UGT2A1: variants seen among roughly 807,000 people sequenced by gnomAD.
UGT2A1 encodes the protein UDP-glucuronosyltransferase 2A1.
UGT2A1 carries 61 observed loss-of-function variants against 45.4 expected under a neutral mutation model. The ratio of observed to expected loss-of-function variants is 1.34; its 90% CI spans 1.09 to 1.66. The LOEUF is 1.66. Among genes scored for constraint, UGT2A1 ranks in the 40% most tolerant of loss-of-function variants. The pLI, the probability that UGT2A1 is intolerant of heterozygous loss-of-function variation, is 0.00. For missense variants in UGT2A1, 649 were observed against 574.3 expected (o/e 1.13, Z -1.33); for synonymous variants, 229 against 196.2 (o/e 1.17, Z -1.40).
At chr4:69,641,811 A>T in intron 2 of UGT2A1, among the ~76,000 whole-genome samples, 1 of 151,812 alleles carries the variant, frequency 6.6e-6, no homozygotes, top group South Asian at 2.1e-4. Context: ...AGTTCTGGGT[A>T]TGGTGTGACA....
intron 3 of UGT2A1, among the ~76,000 whole-genome samples, chr4:69,634,452 C>A (rs1419425344): frequency 6.6e-6 from 1 of 151,950 alleles, no homozygotes; most frequent in Non-Finnish European, 1.5e-5. Context: ...ATAAATACAA[C>A]ACTGGGCCCA....
Position 69,594,640 on chromosome 4 carries a change from C to T in UGT2A1, c.1141G>A (p.Ala381Thr), listed in dbSNP as rs762301580. 1 of 1,614,076 alleles carries T rather than the reference C, an allele frequency of 6.2e-7. No individual in the cohort carries two copies. The highest frequency in any genetic ancestry group is 8.5e-7 in the Non-Finnish European group (1 of 1,180,022). ...THGGTNGIYE[A>T]IYHGVPMVGV... The stretch of plus-strand genomic sequence containing the variant: ...ACCATAGGGACTCCGTGGTAAATAG[C>T]TTCGTAGATCCCATTAGTTCCACCA... The change falls in exon 6 of 7, where the codon GCT (alanine) becomes ACT (threonine). Residue 381 changes from alanine to threonine, a missense_variant. Physicochemically the swap from Ala to Thr is moderately conservative, Grantham distance 58 (BLOSUM62 0). Transcript: ENST00000286604.
chr4:69,629,710 C>T (rs1721283867), intron 3 of UGT2A1, among the ~76,000 whole-genome samples: 1 of 152,044 alleles, frequency 6.6e-6, no homozygotes, highest in Non-Finnish European at 1.5e-5. Context: ...AGGACCCCTG[C>T]AAGCTTGCAA....
chr4:69,613,773 A>G (rs972526667), intron 3 of UGT2A1, among the ~76,000 whole-genome samples: 2 of 152,038 alleles, frequency 1.3e-5, no homozygotes, highest in Non-Finnish European at 2.9e-5. Context: ...GAACATTAAC[A>G]TCTCTTCATG....
chr4:69,608,212 C>T (rs1018985934), intron 3 of UGT2A1, among the ~76,000 whole-genome samples: 31 of 152,024 alleles, frequency 2.0e-4, no homozygotes, highest in East Asian at 5.8e-4. Flanking sequence ...AAATGTGGCA[C>T]GTATACACCA....
chr4:69,620,174 G>A (rs1302766892), intron 3 of UGT2A1, among the ~76,000 whole-genome samples: 2 of 151,944 alleles, frequency 1.3e-5, no homozygotes, highest in East Asian at 3.9e-4. Context: ...ATCCAAATAG[G>A]AAGAGAGAAA....
At chr4:69,608,055 C>T (rs1457743701) in intron 3 of UGT2A1, among the ~76,000 whole-genome samples, 1 of 152,082 alleles carries the variant, frequency 6.6e-6, no homozygotes, top group Non-Finnish European at 1.5e-5. Context: ...TTTGATCCAG[C>T]CATCCCATTA....
intron 3 of UGT2A1, chr4:69,603,576 T>C (rs1719423583): frequency 7.3e-6 from 1 of 136,850 alleles, no homozygotes; most frequent in African/African-American, 3.0e-5. Context: ...AGAATGACTT[T>C]GACGAGCTGA....
At chr4:69,595,380 G>T (rs1718862402) in intron 4 of UGT2A1, 131 bp from the exon 5 acceptor site, 3 of 983,226 alleles carry the variant, frequency 3.1e-6, no homozygotes, top group Non-Finnish European at 3.0e-6. Context: ...GTTTACAAAC[G>T]TTGAGATACG....
At chr4:69,622,547 G>A (rs1473512671) in intron 3 of UGT2A1, among the ~76,000 whole-genome samples, 1 of 151,390 alleles carries the variant, frequency 6.6e-6, no homozygotes, top group Non-Finnish European at 1.5e-5. Context: ...ATAGACTCAG[G>A]GAATCTATAT....
intron 3 of UGT2A1, among the ~76,000 whole-genome samples, chr4:69,619,020 T>C (rs1177179540): frequency 1.3e-5 from 2 of 151,868 alleles, no homozygotes; most frequent in Non-Finnish European, 2.9e-5. Flanking sequence ...AAAAGTTATA[T>C]ATTATACAAT....
rs778145333 is a variant in UGT2A1 at position 69,647,034 on chromosome 4, A to G, written c.611T>C (p.Met204Thr). The change falls in exon 2 of 7, where the codon ATG becomes ACG. Residue 204 changes from methionine to threonine, a missense_variant. Physicochemically the swap from Met to Thr is moderately conservative, Grantham distance 81. Transcript: ENST00000286604. ...ATTTCTTATTCTGTCAGTGAAAGACATTTGGTCGGTGAGTTCTGATAAAAC... is the reference window on the plus strand; with the variant it reads ...ATTTCTTATTCTGTCAGTGAAAGACGTTTGGTCGGTGAGTTCTGATAAAAC... The part of the protein sequence containing the change: ...PAVLSELTDQ[M>T]SFTDRIRNFI... 2.5e-6 allele frequency: 4 copies of G among 1,612,916 alleles called. No individual in the cohort carries two copies. The Middle Eastern group carries it at 5.0e-4, about 200-fold the overall frequency.
At chr4:69,597,613 AT>A (rs952577562) in intron 4 of UGT2A1, among the ~76,000 whole-genome samples, 1 of 152,132 alleles carries the variant, frequency 6.6e-6, no homozygotes, top group Non-Finnish European at 1.5e-5. Flanking sequence ...ATAGATTGCT[AT>A]TTTTGGCTTA....
At chr4:69,616,563 C>A (rs2109927775) in intron 3 of UGT2A1, among the ~76,000 whole-genome samples, 1 of 151,812 alleles carries the variant, frequency 6.6e-6, no homozygotes, top group African/African-American at 2.4e-5. Context: ...TGTACCCCAC[C>A]AACAAAAAGG....
rs960555828 is a variant in UGT2A1 at position 69,614,472 on chromosome 4, A to C, written c.848-15078T>G. 3.9e-5 allele frequency among the ~76,000 whole-genome samples: 6 copies of C among 151,962 alleles called. 1 individual carries two copies. The South Asian group carries it at 8.3e-4, about 21-fold the overall frequency. The stretch of plus-strand genomic sequence containing the variant: ...TTCACAAATTAAAAAATATATATAT[A>C]TCTAAACTTTGTATGGAACCACAAA... On this transcript the variant is annotated intron_variant, in intron 3 of 6. Coordinates refer to ENST00000286604, the MANE Select transcript of UGT2A1 (RefSeq NM_001252275.3).
intron 3 of UGT2A1, among the ~76,000 whole-genome samples, chr4:69,609,795 A>G (rs1026437790): frequency 2.6e-5 from 4 of 152,198 alleles, no homozygotes; most frequent in African/African-American, 9.6e-5. Context: ...TGTTCACTGC[A>G]TTCCACAAAA....
chr4:69,618,305 GT>G (rs1176749548), intron 3 of UGT2A1, among the ~76,000 whole-genome samples: 1 of 149,738 alleles, frequency 6.7e-6, no homozygotes, highest in Admixed American at 6.7e-5. Context: ...TCTTAAAAAT[GT>G]TTTTGGGGCA....
intron 2 of UGT2A1, among the ~76,000 whole-genome samples, chr4:69,642,875 A>T (rs1478289924): frequency 6.6e-6 from 1 of 151,606 alleles, no homozygotes; most frequent in Non-Finnish European, 1.5e-5. Flanking sequence ...TGTAATGCTT[A>T]TGGATTATAA....
At chr4:69,643,591 A>G (rs1722133367) in intron 2 of UGT2A1, among the ~76,000 whole-genome samples, 1 of 151,646 alleles carries the variant, frequency 6.6e-6, no homozygotes. Context: ...TGCTATCATT[A>G]TTATGATATC....
Sources: allele counts gnomAD v4.1 joint callset (sites outside exome capture counted in the v4.1 genomes callset), GRCh38; gene constraint gnomAD v4.1.1; transcripts MANE v1.5; gene names NCBI Gene and HGNC (gene_info 2026-07-23, HGNC 2026-07-21).